The following ANXA8 variants were observed in gnomAD, a reference collection of about 807,000 sequenced individuals.
ANXA8 encodes the protein VAC-beta.
In ANXA8, 9 loss-of-function variants were observed where a neutral mutation model predicts 26.8. The observed-to-expected ratio is 0.34, with a 90% CI of 0.20 to 0.59. The LOEUF (loss-of-function observed/expected upper bound fraction) is 0.59, where lower values mean the gene tolerates loss of function less well. Among genes scored for constraint, ANXA8 ranks in the 20% least tolerant of loss-of-function variants. ANXA8 has a pLI of 0.84. For synonymous variants in ANXA8, 39 were observed against 94.8 expected (o/e 0.41, Z 3.42); for missense variants, 83 against 238.5 (o/e 0.35, Z 4.29).
chr10:47,551,880 C>G, the ANXA8 span: 8 of 1,215,040 alleles, frequency 6.6e-6, no homozygotes, highest in African/African-American at 1.3e-4. Flanking sequence ...TTGGGTCCAC[C>G]GTTTTTCTTT....
At chr10:47,700,238 C>T in the ANXA8 span, among the ~76,000 whole-genome samples, 33 of 151,894 alleles carry the variant, frequency 2.2e-4, 1 homozygote, top group Admixed American at 6.5e-4. Context: ...ACTAGCTTTA[C>T]CAGATGTTAA....
chr10:47,555,229 C>A, the ANXA8 span, among the ~76,000 whole-genome samples: 6 of 151,972 alleles, frequency 3.9e-5, no homozygotes, highest in Non-Finnish European at 8.8e-5. Flanking sequence ...AGTAACTCTT[C>A]TGAGACACCG....
the ANXA8 span, among the ~76,000 whole-genome samples, chr10:47,669,606 TTGGGAGGCTGAGG>T: frequency 6.6e-6 from 1 of 151,574 alleles, no homozygotes; most frequent in Non-Finnish European, 1.5e-5. Flanking sequence ...TCCCAGCTAC[TTGGGAGGCTGAGG>T]TGGGAGGATC....
rs1481544897 is a variant in ANXA8 at position 47,469,000 on chromosome 10, T to C, written c.925-94A>G. On this transcript the variant is annotated intron_variant, in intron 11 of 11. Coordinates refer to ENST00000585281, the MANE Select transcript of ANXA8 (RefSeq NM_001040084.3). ...TTATTATGACTAAGAGGTGTGCCCCTGGCCTGCACCTGGCCCGGCCCTCCA... is the reference window on the plus strand; with the variant it reads ...TTATTATGACTAAGAGGTGTGCCCCCGGCCTGCACCTGGCCCGGCCCTCCA... 1,492 of 1,540,478 alleles carry C rather than the reference T, an allele frequency of 9.7e-4. 7 individuals are homozygous for C. In the African/African-American group the frequency reaches 0.017, roughly 17 times the overall value.
chr10:47,708,817 C>CT, the ANXA8 span, among the ~76,000 whole-genome samples: 7 of 150,576 alleles, frequency 4.6e-5, no homozygotes, highest in African/African-American at 1.5e-4. Context: ...ATGAGGTAGA[C>CT]TTTTTTTGGA....
the ANXA8 span, among the ~76,000 whole-genome samples, chr10:47,656,393 G>A: frequency 6.7e-6 from 1 of 149,498 alleles, no homozygotes; most frequent in Admixed American, 6.6e-5. Flanking sequence ...GGGAAACCCT[G>A]TCTCAAAAAA....
chr10:47,589,033 T>G, the ANXA8 span: 1 of 145,482 alleles, frequency 6.9e-6, no homozygotes, highest in Non-Finnish European at 1.5e-5. Context: ...AGGTTGGTCT[T>G]GAACTCCTGG....
chr10:47,502,991 C>G, the ANXA8 span: 1 of 1,516,906 alleles, frequency 6.6e-7, no homozygotes, highest in East Asian at 2.6e-5. Context: ...CTGGAGATAC[C>G]GGGGCTGAAG....
the ANXA8 span, among the ~76,000 whole-genome samples, chr10:47,501,022 T>A: frequency 2.1e-5 from 3 of 142,920 alleles, no homozygotes; most frequent in Non-Finnish European, 4.6e-5. Context: ...GCCTCCCGAG[T>A]AGCTGGGACT....
chr10:47,768,110 C>A, the ANXA8 span, among the ~76,000 whole-genome samples: 10 of 150,926 alleles, frequency 6.6e-5, no homozygotes, highest in South Asian at 2.1e-3. Context: ...CTTGTCCTTC[C>A]TCAATCGTCA....
the ANXA8 span, among the ~76,000 whole-genome samples, chr10:47,588,263 GA>G: frequency 2.4e-5 from 3 of 124,116 alleles, no homozygotes; most frequent in African/African-American, 1.2e-4. Context: ...ATTTTCCCTA[GA>G]ATCTGCAAAT....
the ANXA8 span, among the ~76,000 whole-genome samples, chr10:47,603,540 C>G: frequency 2.1e-5 from 3 of 144,184 alleles, no homozygotes; most frequent in African/African-American, 8.4e-5. Context: ...GAGACGGAGT[C>G]TTGCTCTGTC....
the ANXA8 span, among the ~76,000 whole-genome samples, chr10:47,907,306 G>A: frequency 6.6e-6 from 1 of 152,130 alleles, no homozygotes; most frequent in African/African-American, 2.4e-5. Context: ...GCAGTGAGCC[G>A]AGATCACGCC....
chr10:47,708,830 C>G, the ANXA8 span, among the ~76,000 whole-genome samples: 1 of 150,270 alleles, frequency 6.7e-6, no homozygotes, highest in Non-Finnish European at 1.5e-5. Flanking sequence ...TTTTTGGAAT[C>G]TAAATAACCA....
At chr10:47,488,660 C>T (rs1315218205), upstream of ANXA8, among the ~76,000 whole-genome samples, 2 of 141,552 alleles carry the variant, frequency 1.4e-5, no homozygotes, top group African/African-American at 2.6e-5. Flanking sequence ...CATAGTACTA[C>T]TCATAGCTCA....
At chr10:47,668,031 C>G in the ANXA8 span, among the ~76,000 whole-genome samples, 1 of 151,862 alleles carries the variant, frequency 6.6e-6, no homozygotes, top group African/African-American at 2.4e-5. Flanking sequence ...AGCCACCGTG[C>G]CTGGCTTCAC....
the ANXA8 span, chr10:47,726,726 G>A: frequency 2.9e-6 from 2 of 695,222 alleles, no homozygotes; most frequent in Non-Finnish European, 5.1e-6. Flanking sequence ...GTTGTTTTAA[G>A]CATTAAAATT....
the ANXA8 span, among the ~76,000 whole-genome samples, chr10:47,621,539 G>C: frequency 1.8e-5 from 2 of 111,788 alleles, 1 homozygote; most frequent in African/African-American, 7.0e-5. Flanking sequence ...TTTCTCTCCT[G>C]CTTCTAATTT....
At chr10:47,714,082 A>G in the ANXA8 span, among the ~76,000 whole-genome samples, 68 of 67,182 alleles carry the variant, frequency 1.0e-3, no homozygotes, top group African/African-American at 4.0e-3. Flanking sequence ...GTCAATCCCA[A>G]TAAATAAAAT....
Sources: gnomAD v4.1 joint callset for allele counts (sites outside exome capture counted in the v4.1 genomes callset) on GRCh38, gnomAD v4.1.1 for gene constraint, MANE v1.5 for transcripts, NCBI Gene and HGNC (gene_info 2026-07-23, HGNC 2026-07-21) for gene names.